The following GMDS variants were observed in gnomAD, a reference collection of about 807,000 sequenced individuals.
The protein encoded by GMDS is GDP-mannose 4,6-dehydratase.
GMDS carries 20 observed loss-of-function variants against 49.9 expected under a neutral mutation model. That is an observed-to-expected ratio of 0.40 (90% CI 0.28 to 0.58). GMDS has a LOEUF of 0.58. GMDS is among the 20% of genes least tolerant of loss of function. The probability of loss-of-function intolerance (pLI) is 0.42; values close to 1 mark genes in which losing one functional copy is unlikely to be tolerated. For synonymous variants in GMDS, 177 were observed against 178.6 expected (o/e 0.99, Z 0.07); for missense variants, 362 against 481.4 (o/e 0.75, Z 2.32).
intron 7 of GMDS, among the ~76,000 whole-genome samples, chr6:1,928,662 T>C (rs1353380220): frequency 6.6e-6 from 1 of 152,130 alleles, no homozygotes; most frequent in Non-Finnish European, 1.5e-5. Context: ...AATTATAGCT[T>C]AGAAGCACAT....
At chr6:1,911,852 C>A (rs1326997841) in intron 7 of GMDS, among the ~76,000 whole-genome samples, 2 of 152,162 alleles carry the variant, frequency 1.3e-5, no homozygotes, top group Non-Finnish European at 2.9e-5. Context: ...AAGCAACATT[C>A]TGACTAAGCA....
chr6:2,158,810 C>T (rs556899579), intron 1 of GMDS, among the ~76,000 whole-genome samples: 2 of 152,308 alleles, frequency 1.3e-5, no homozygotes, highest in East Asian at 1.9e-4. Flanking sequence ...CTTTGCCAAC[C>T]GGCATCAATG....
chr6:1,953,639 T>C (rs1312758873), intron 6 of GMDS, among the ~76,000 whole-genome samples: 2 of 152,200 alleles, frequency 1.3e-5, no homozygotes, highest in African/African-American at 2.4e-5. Context: ...TGATGAACAG[T>C]AGTTATTCTT....
chr6:1,743,027 A>G (rs909280760), intron 7 of GMDS, among the ~76,000 whole-genome samples: 7 of 152,242 alleles, frequency 4.6e-5, no homozygotes, highest in East Asian at 1.9e-4. Context: ...GAAAAAAACC[A>G]TTTAAAGACA....
chr6:1,857,518 A>G (rs1008932023), intron 7 of GMDS, among the ~76,000 whole-genome samples: 7 of 152,334 alleles, frequency 4.6e-5, no homozygotes, highest in Admixed American at 3.3e-4. Context: ...TCAGGATCAC[A>G]GTAGGGACTA....
chr6:2,196,929 T>C (rs1475934999), intron 1 of GMDS, among the ~76,000 whole-genome samples: 2 of 152,196 alleles, frequency 1.3e-5, no homozygotes, highest in Non-Finnish European at 2.9e-5. Context: ...ATTCTAATGA[T>C]AATGGTGGTG....
At chr6:2,023,157 C>T (rs1768378027) in intron 4 of GMDS, among the ~76,000 whole-genome samples, 2 of 152,122 alleles carry the variant, frequency 1.3e-5, no homozygotes, top group African/African-American at 2.4e-5. Context: ...TATAGGAAAA[C>T]TATATTCAAA....
intron 7 of GMDS, among the ~76,000 whole-genome samples, chr6:1,883,243 T>C (rs946273386): frequency 1.3e-5 from 2 of 151,878 alleles, no homozygotes; most frequent in Admixed American, 6.6e-5. Context: ...ATACAAAAAT[T>C]AGCTGGGTGT....
intron 4 of GMDS, among the ~76,000 whole-genome samples, chr6:1,991,145 G>T (rs569275359): frequency 1.2e-4 from 18 of 152,166 alleles, no homozygotes; most frequent in African/African-American, 4.3e-4. Context: ...AGTCACTGGA[G>T]TGTAAGTTTT....
chr6:1,756,947 C>T (rs1247893250), intron 7 of GMDS, among the ~76,000 whole-genome samples: 3 of 152,040 alleles, frequency 2.0e-5, no homozygotes, highest in African/African-American at 4.8e-5. Flanking sequence ...GGGAAACAGA[C>T]TCTCCCCCTT....
At position 1,658,557 on chromosome 6, in the gene GMDS, A is replaced by C. The variant is rs1763964256; in HGVS notation, c.988-34017T>G. On this transcript the variant is annotated intron_variant, in intron 9 of 10. Transcript: ENST00000380815. ...GTATGACACACTCAGTTGAATGAAA[A>C]GAAACATCAGTCTTTCTGAATGGGT... Among the ~76,000 whole-genome samples the C allele has an allele frequency of 2.6e-5, 4 of 152,282 alleles. No individual in the cohort carries two copies. The South Asian group carries it at 8.3e-4, about 32-fold the overall frequency.
chr6:1,664,439 C>T (rs1435085838), intron 9 of GMDS, among the ~76,000 whole-genome samples: 1 of 152,146 alleles, frequency 6.6e-6, no homozygotes, highest in Non-Finnish European at 1.5e-5. Flanking sequence ...CATGGGAGAC[C>T]GTGAGTATTC....
At chr6:2,226,550 T>C (rs547579833) in intron 1 of GMDS, among the ~76,000 whole-genome samples, 16 of 152,276 alleles carry the variant, frequency 1.1e-4, no homozygotes, top group Non-Finnish European at 2.1e-4. Context: ...AACAGAGATA[T>C]TATAACCCTC....
chr6:1,714,544 T>G (rs1284833782), intron 9 of GMDS, among the ~76,000 whole-genome samples: 1 of 152,200 alleles, frequency 6.6e-6, no homozygotes, highest in African/African-American at 2.4e-5. Context: ...ATTTCTCACT[T>G]TGTAATTCAG....
At chr6:1,737,567 CCA>C (rs1027854539) in intron 8 of GMDS, among the ~76,000 whole-genome samples, 1 of 146,308 alleles carries the variant, frequency 6.8e-6, no homozygotes, top group Non-Finnish European at 1.5e-5. Context: ...CACACACACA[CCA>C]CACACACAAA....
At position 1,878,105 on chromosome 6, in the gene GMDS, A is replaced by C. The variant is rs748938795; in HGVS notation, c.771+51998T>G. Among the ~76,000 whole-genome samples, 173 of 152,062 alleles carry C rather than the reference A, an allele frequency of 1.1e-3. 3 individuals are homozygous for C. The highest frequency in any genetic ancestry group is 2.2e-4 in the Non-Finnish European group (15 of 68,010). ...GAGGTGGGCAGATCACGAAGTCAGG[A>C]GATCGAGACCATCCTGGCTAACATG... On this transcript the variant is annotated intron_variant, in intron 7 of 10. Coordinates refer to ENST00000380815, the MANE Select transcript of GMDS (RefSeq NM_001500.4).
intron 7 of GMDS, among the ~76,000 whole-genome samples, chr6:1,904,639 G>C (rs960349466): frequency 6.6e-6 from 1 of 152,232 alleles, no homozygotes; most frequent in Non-Finnish European, 1.5e-5. Context: ...TGGGTTGTCA[G>C]AACAGTGACT....
chr6:1,717,023 A>G (rs893427393), intron 9 of GMDS, among the ~76,000 whole-genome samples: 2 of 152,214 alleles, frequency 1.3e-5, no homozygotes, highest in African/African-American at 2.4e-5. Flanking sequence ...CATGCTATCC[A>G]TTCCATGGAA....
rs1762737175 is a variant in GMDS at position 1,939,903 on chromosome 6, C to T, written c.644-9673G>A. ...CAACCTTGGGCGCCCTCTGATGATG[C>T]CGTAGACGTAAGGAAGAAACCCTAT... On this transcript the variant is annotated intron_variant, in intron 6 of 10. Transcript: ENST00000380815. Among the ~76,000 whole-genome samples, 3 of 152,160 alleles carry T rather than the reference C, an allele frequency of 2.0e-5. No individual in the cohort carries two copies. In the South Asian group the frequency reaches 6.2e-4, roughly 32 times the overall value.
Sources: allele counts gnomAD v4.1 joint callset (sites outside exome capture counted in the v4.1 genomes callset), GRCh38; gene constraint gnomAD v4.1.1; transcripts MANE v1.5; gene names NCBI Gene and HGNC (gene_info 2026-07-23, HGNC 2026-07-21).